Variants in PASK observed in about 807,000 individuals in gnomAD.
PASK encodes PAS domain-containing serine/threonine-protein kinase.
In PASK, 110 loss-of-function variants were observed where a neutral mutation model predicts 121.0. The observed-to-expected ratio is 0.91, with a 90% CI of 0.78 to 1.06. PASK has a LOEUF of 1.06. Among genes scored for constraint, PASK ranks in the 50% least tolerant of loss-of-function variants. PASK has a pLI of 0.00. For missense variants in PASK, 1,643 were observed against 1,702.3 expected (o/e 0.97, Z 0.61); for synonymous variants, 686 against 717.8 (o/e 0.96, Z 0.71).
At position 241,115,376 on chromosome 2, in the gene PASK, T is replaced by C; in HGVS notation, c.3110A>G (p.Glu1037Gly). The change falls in exon 13 of 18, where the codon GAG (glutamate) becomes GGG (glycine). Residue 1037 changes from glutamate (E) to glycine (G), a missense_variant. By Grantham distance (98) the Glu-to-Gly change is moderately conservative (BLOSUM62 -2). Coordinates refer to ENST00000234040, the MANE Select transcript of PASK (RefSeq NM_015148.4). Reference sequence around the variant, plus strand: ...TTTGGGATCCTCAATCCAACAATCCTCCAAGACCTTCTCCTTCTTAATAAA... The same window carrying C: ...TTTGGGATCCTCAATCCAACAATCCCCCAAGACCTTCTCCTTCTTAATAAA... ...VKFIKKEKVL[E>G]DCWIEDPKLG... 1 of 1,613,776 alleles carries C rather than the reference T, an allele frequency of 6.2e-7. No homozygotes were observed. Among genetic ancestry groups the C allele is most frequent in the Non-Finnish European group, 8.5e-7 (1 of 1,179,752 alleles).
chr2:241,127,109 C>G lies in PASK; in HGVS notation c.1806G>C (p.Ala602=), dbSNP rs748986704. ...GGCAGTGCATCAGGAGGCTGCCCCC[C>G]GCCAGCTGACCCTTGGCCTGGGGCT... ...VAKPQAKGQL[A]GGSLLMHCPC... The change falls in exon 10 of 18, where the codon GCG becomes GCC. Residue 602 remains alanine, a synonymous_variant. Coordinates refer to ENST00000234040, the MANE Select transcript of PASK (RefSeq NM_015148.4). 6 of 1,614,062 alleles carry G rather than the reference C, an allele frequency of 3.7e-6. No homozygotes were observed. The highest frequency in any genetic ancestry group is 4.5e-5 in the East Asian group (2 of 44,874).
In PASK at chr2:241,112,744, G is replaced by A. The variant is rs1341945764; in HGVS notation, c.3334-305C>T. 10 of 359,262 alleles carry A rather than the reference G, an allele frequency of 2.8e-5. No individual in the cohort carries two copies. Among genetic ancestry groups the A allele is most frequent in the South Asian group, 1.7e-4 (7 of 40,330 alleles). 22.3% of individuals were successfully genotyped at this position (359,262 alleles called of 1,614,324 possible). On this transcript the variant is annotated intron_variant, in intron 14 of 17. Transcript: ENST00000234040. The surrounding 1 kb of genome is among the most constrained non-coding windows in gnomAD (Gnocchi z 5.2). ...CCAGCAGACACTCGCCCCCACCAACGCACACCATGCCTATTTCAGGAGGAA... is the reference window on the plus strand; with the variant it reads ...CCAGCAGACACTCGCCCCCACCAACACACACCATGCCTATTTCAGGAGGAA...
rs940904563 is a variant in PASK at position 241,124,334 on chromosome 2, G to C, written c.2720-201C>G. Among the ~76,000 whole-genome samples, 5 of 152,240 alleles carry C rather than the reference G, an allele frequency of 3.3e-5. 1 individual carries two copies. The highest frequency in any genetic ancestry group is 3.3e-4 in the Admixed American group (5 of 15,290). On this transcript the variant is annotated intron_variant, in intron 10 of 17. Transcript: ENST00000234040. ...ACCAAGGCCTGGAGGAAAGCTGTCA[G>C]GGCCGGCCAGGGAAAGACCCCTGGG...
At position 241,127,325 on chromosome 2, in the gene PASK, CAGA is replaced by C; in HGVS notation, c.1587_1589del (p.Leu530del). The C allele has an allele frequency of 6.2e-7, 1 of 1,614,248 alleles. No individual in the cohort carries two copies. Among genetic ancestry groups the C allele is most frequent in the Non-Finnish European group, 8.5e-7 (1 of 1,180,054 alleles). ...CCACTGGTTCAGACCTGCTTTCTCCCAGAAGATCCTGTCCGGGGCTCTCTATTG... is the reference window on the plus strand; with the variant it reads ...CCACTGGTTCAGACCTGCTTTCTCCCAGATCCTGTCCGGGGCTCTCTATTG... On this transcript the variant is annotated inframe_deletion, in exon 10 of 18. Coordinates refer to ENST00000234040, the MANE Select transcript of PASK (RefSeq NM_015148.4).
chr2:241,109,933 A>G (rs2065038188), intron 15 of PASK, among the ~76,000 whole-genome samples: 1 of 152,252 alleles, frequency 6.6e-6, no homozygotes, highest in Admixed American at 6.5e-5. Flanking sequence ...GACGACACAT[A>G]AGCAAATGAG....
chr2:241,118,933 C>G (rs1351975518), intron 12 of PASK: 1 of 1,035,856 alleles, frequency 9.7e-7, no homozygotes, highest in Admixed American at 5.0e-5. Context: ...TCCCAGCACC[C>G]CAGTGAGTAA....
At chr2:241,122,611 G>T (rs1484756656) in intron 12 of PASK, 121 bp downstream of exon 12, 16 of 907,426 alleles carry the variant, frequency 1.8e-5, no homozygotes, top group Non-Finnish European at 3.0e-5. Flanking sequence ...ATGCCAGGTT[G>T]TGTGCTTGGT....
chr2:241,123,840 C>A, intron 11 of PASK, 109 bp downstream of exon 11: 47 of 850,434 alleles, frequency 5.5e-5, no homozygotes, highest in Non-Finnish European at 7.3e-5. Flanking sequence ...AAAAAAGCTA[C>A]AAACAGACTG....
chr2:241,127,098 A>T lies in PASK; in HGVS notation c.1817T>A (p.Leu606His), dbSNP rs541534852. Residue 606 changes from leucine (L) to histidine (H), a missense_variant, in exon 10 of 18, where the codon CTC becomes CAC. Around this residue, in one of 3 missense-constraint regions of PASK, gnomAD observed 1,176 missense variants for 1,162.2 expected, o/e 1.01. Transcript: ENST00000234040. The part of the protein sequence containing the change: ...QAKGQLAGGS[L>H]LMHCPCYGSE... The stretch of plus-strand genomic sequence containing the variant: ...CCCATAGCAAGGGCAGTGCATCAGG[A>T]GGCTGCCCCCCGCCAGCTGACCCTT... 3 of 1,614,036 alleles carry T rather than the reference A, an allele frequency of 1.9e-6. No individual in the cohort carries two copies. The highest frequency in any genetic ancestry group is 2.5e-6 in the Non-Finnish European group (3 of 1,180,004).
intron 9 of PASK, among the ~76,000 whole-genome samples, chr2:241,132,538 A>T (rs2066208281): frequency 6.7e-6 from 1 of 150,042 alleles, no homozygotes; most frequent in Admixed American, 6.6e-5. Context: ...AAAAAAAAAA[A>T]AAAAAAAAAA....
Position 241,112,939 on chromosome 2 carries a change from T to C in PASK, c.3334-500A>G, listed in dbSNP as rs113807377. On this transcript the variant is annotated intron_variant, in intron 14 of 17. Transcript: ENST00000234040. The surrounding 1 kb of genome is among the most constrained non-coding windows in gnomAD (Gnocchi z 5.2). ...TTCAGGCAGCAATTTGGGGCAGAGC[T>C]GGGAGCACAGCCTCAGTGGCTTCTC... 0.089 allele frequency among the ~76,000 whole-genome samples: 13,517 copies of C among 152,274 alleles called. 725 individuals carry two copies. The highest frequency in any genetic ancestry group is 0.14 in the African/African-American group (6,016 of 41,516).
rs533091296 is a variant in PASK, at chr2:241,123,214, C to T, written c.2905-315G>A. ...TTTTTTAGACGGAGTCTGGCTCTGT[C>T]GCCCAGGCTGGAGTGCAGTGGCGCA... On this transcript the variant is annotated intron_variant, in intron 11 of 17. Coordinates refer to ENST00000234040, the MANE Select transcript of PASK (RefSeq NM_015148.4). Among the ~76,000 whole-genome samples the T allele has an allele frequency of 3.4e-4, 50 of 149,142 alleles. No individual in the cohort carries two copies. In the East Asian group the frequency reaches 8.9e-3, roughly 27 times the overall value.
At chr2:241,116,167 G>A (rs1399296053) in intron 12 of PASK, among the ~76,000 whole-genome samples, 1 of 145,400 alleles carries the variant, frequency 6.9e-6, no homozygotes, top group East Asian at 2.1e-4. Context: ...ATTCCACCAG[G>A]GCCACCCAGT....
chr2:241,147,574 C>T (rs1445272291), intron 1 of PASK, among the ~76,000 whole-genome samples: 1 of 152,116 alleles, frequency 6.6e-6, no homozygotes, highest in African/African-American at 2.4e-5. Context: ...TGAGAGGACA[C>T]AGCACCACTG....
intron 1 of PASK, among the ~76,000 whole-genome samples, chr2:241,147,724 A>G (rs2067022491): frequency 6.6e-6 from 1 of 151,758 alleles, no homozygotes; most frequent in Admixed American, 6.6e-5. Context: ...AAAGGGGGAA[A>G]AAAAGCAAAG....
chr2:241,114,498 T>G, intron 14 of PASK: 1 of 1,000,686 alleles, frequency 1.0e-6, no homozygotes, highest in Non-Finnish European at 1.2e-6. Flanking sequence ...GTCCCTCTGC[T>G]AGGGTGCCTT....
intron 12 of PASK, among the ~76,000 whole-genome samples, chr2:241,119,619 G>A (rs1485839552): frequency 2.0e-5 from 3 of 152,132 alleles, no homozygotes; most frequent in African/African-American, 4.8e-5. Context: ...ACAGGTGCCC[G>A]CCACCACGCC....
chr2:241,139,510 C>T (rs2066600018), intron 4 of PASK: 1 of 491,004 alleles, frequency 2.0e-6, no homozygotes, highest in Admixed American at 2.3e-5. Flanking sequence ...CCACAAACAC[C>T]AAACAGAATG....
rs373515430 is a variant in PASK, at chr2:241,127,191, C to T, written c.1724G>A (p.Arg575Gln). 194 of 1,614,130 alleles carry T rather than the reference C, an allele frequency of 1.2e-4. No individual in the cohort carries two copies. Among genetic ancestry groups the T allele is most frequent in the Middle Eastern group, 9.9e-4 (6 of 6,084 alleles). Residue 575 changes from arginine to glutamine, a missense_variant, in exon 10 of 18, where the codon CGG (arginine) becomes CAG (glutamine). Arg to Gln is a conservative substitution (Grantham distance 43). Around this residue, in one of 3 missense-constraint regions of PASK, gnomAD observed 1,176 missense variants for 1,162.2 expected, o/e 1.01. Transcript: ENST00000234040. ...ACCGCTGGGACCACTGACTCCCATCCGCTCTAGCTGGGCCTTCTGACACAG... is the reference window on the plus strand; with the variant it reads ...ACCGCTGGGACCACTGACTCCCATCTGCTCTAGCTGGGCCTTCTGACACAG... ...CGLCQKAQLE[R>Q]MGVSGPSGSD...
Sources: allele counts gnomAD v4.1 joint callset (sites outside exome capture counted in the v4.1 genomes callset), GRCh38; gene constraint gnomAD v4.1.1; regional missense constraint gnomAD v4.1.1; non-coding constraint Gnocchi (gnomAD v3.1); transcripts MANE v1.5; gene names NCBI Gene and HGNC (gene_info 2026-07-23, HGNC 2026-07-21).